ACTR1A: variants seen among roughly 807,000 people sequenced by gnomAD.
The protein encoded by ACTR1A is actin related protein 1A, also known as alpha-centractin.
A neutral mutation model predicts 50.7 loss-of-function variants in ACTR1A; 10 were observed. The ratio of observed to expected loss-of-function variants is 0.20; its 90% CI spans 0.12 to 0.33. The LOEUF (loss-of-function observed/expected upper bound fraction) is 0.33. ACTR1A is among the 10% of genes least tolerant of loss of function. The pLI is 1.00. For missense variants in ACTR1A, 253 were observed against 491.7 expected, an observed-to-expected ratio of 0.51 and a Z score of 4.59; for synonymous variants, 177 against 184.2, an observed-to-expected ratio of 0.96 and a Z score of 0.32.
intron 1 of ACTR1A, among the ~76,000 whole-genome samples, chr10:102,492,874 G>A (rs943238972): frequency 5.3e-5 from 8 of 151,898 alleles, no homozygotes; most frequent in Admixed American, 1.3e-4. Flanking sequence ...TGTGCTACAC[G>A]TCTGTAATCC....
chr10:102,496,330 A>G (rs2062222559), intron 1 of ACTR1A, among the ~76,000 whole-genome samples: 1 of 152,232 alleles, frequency 6.6e-6, no homozygotes. Flanking sequence ...CCAGCCTGGA[A>G]GAGGTGCCTT....
At chr10:102,494,084 T>C (rs1324824003) in intron 1 of ACTR1A, among the ~76,000 whole-genome samples, 1 of 152,252 alleles carries the variant, frequency 6.6e-6, no homozygotes, top group African/African-American at 2.4e-5. Context: ...AAAAGGGTTA[T>C]GTCCATTTCT....
At chr10:102,487,442 T>TGGTGGGG (rs2062174184) in intron 4 of ACTR1A, among the ~76,000 whole-genome samples, 1 of 151,754 alleles carries the variant, frequency 6.6e-6, no homozygotes, top group Non-Finnish European at 1.5e-5. Context: ...TAGCCGGGCA[T>TGGTGGGG]GGTGGGGGGT....
At position 102,482,617 on chromosome 10, in the gene ACTR1A, C is replaced by T; in HGVS notation, c.750+394G>A. ...GGAGGGAGCAAAGTTCTGGCTGCCT[C>T]CTCTGCAGGAGACAGGGCCACTCAT... On this transcript the variant is annotated intron_variant, in intron 7 of 10. Coordinates refer to ENST00000369905, the MANE Select transcript of ACTR1A (RefSeq NM_005736.4). This position sits in a 1 kb window ranked among gnomAD's most constrained non-coding sequence, Gnocchi z 5.6. 1 of 273,482 alleles carries T rather than the reference C, an allele frequency of 3.7e-6. No homozygotes were observed. The highest frequency in any genetic ancestry group is 7.0e-6 in the Non-Finnish European group (1 of 142,860). The allele number at this position is 273,482 out of a possible 1,614,324, so 16.9% of individuals were successfully genotyped here.
chr10:102,490,805 C>G (rs2062188438), intron 1 of ACTR1A, among the ~76,000 whole-genome samples, 192 bp from the exon 2 acceptor site: 1 of 152,126 alleles, frequency 6.6e-6, no homozygotes, highest in African/African-American at 2.4e-5. Flanking sequence ...CCAGCCTAGC[C>G]ACCATGGTGA....
At chr10:102,490,021 G>A (rs1214419908) in intron 2 of ACTR1A, among the ~76,000 whole-genome samples, 1 of 152,042 alleles carries the variant, frequency 6.6e-6, no homozygotes, top group Non-Finnish European at 1.5e-5. Flanking sequence ...AGACCATGAG[G>A]TCAGGAGATC....
Position 102,480,216 on chromosome 10 carries a change from A to T in ACTR1A, c.*647T>A, listed in dbSNP as rs2062131495. On this transcript the variant is annotated 3_prime_UTR_variant, in exon 11 of 11. Transcript: ENST00000369905. The stretch of plus-strand genomic sequence containing the variant: ...GGCTGGGAACATTAACTCTGCAGCC[A>T]TTCAGAGTGAGGACTGCTCCTGCCC... 1 of 158,958 alleles carries T rather than the reference A, an allele frequency of 6.3e-6. No homozygotes were observed. Among genetic ancestry groups the T allele is most frequent in the African/African-American group, 2.4e-5 (1 of 41,504 alleles). The allele number at this position is 158,958 out of a possible 1,614,324, so 9.8% of individuals were successfully genotyped here.
At chr10:102,487,194 T>C (rs911904037) in intron 4 of ACTR1A, among the ~76,000 whole-genome samples, 5 of 152,108 alleles carry the variant, frequency 3.3e-5, no homozygotes, top group African/African-American at 1.2e-4. Context: ...GGCGGATAGA[T>C]TGCCTGAACC....
rs974172493 is a variant in ACTR1A, at chr10:102,479,510, A to G, written c.*1353T>C. On this transcript the variant is annotated 3_prime_UTR_variant, in exon 11 of 11. Transcript: ENST00000369905. This position sits in a 1 kb window ranked among gnomAD's most constrained non-coding sequence, Gnocchi z 4.0. ...GTCACAGGTGAGGGTGCCGGTGAAG[A>G]CAGGCTGGCCCCAGCTTTGCACCAT... 31 of 813,350 alleles carry G rather than the reference A, an allele frequency of 3.8e-5. No homozygotes were observed. Among genetic ancestry groups the G allele is most frequent in the Non-Finnish European group, 5.4e-5 (31 of 577,008 alleles). 50.4% of individuals were successfully genotyped at this position (813,350 alleles called of 1,614,324 possible).
At chr10:102,481,012 T>G (rs187011009) in intron 10 of ACTR1A, 47 bp from the exon 11 acceptor site, 1 of 1,583,910 alleles carries the variant, frequency 6.3e-7, no homozygotes, top group Non-Finnish European at 8.7e-7. Context: ...GAAGTGGCTG[T>G]GTGTGGAGCC....
At chr10:102,492,069 C>CTTTTTTT (rs71016386) in intron 1 of ACTR1A, among the ~76,000 whole-genome samples, 1 of 92,342 alleles carries the variant, frequency 1.1e-5, no homozygotes, top group African/African-American at 4.6e-5. Flanking sequence ...CGTGCCCGGC[C>CTTTTTTT]TTTTTTTTTT....
chr10:102,486,875 C>G, intron 4 of ACTR1A, among the ~76,000 whole-genome samples: 1 of 151,552 alleles, frequency 6.6e-6, no homozygotes, highest in Non-Finnish European at 1.5e-5. Flanking sequence ...AACCTCGATG[C>G]CCCCAGGCTC....
Position 102,480,876 on chromosome 10 carries a change from C to T in ACTR1A, c.1118G>A (p.Arg373Lys), listed in dbSNP as rs2062135765. 2 of 1,613,204 alleles carry T rather than the reference C, an allele frequency of 1.2e-6. No homozygotes were observed. Among genetic ancestry groups the T allele is most frequent in the Non-Finnish European group, 8.5e-7 (1 of 1,179,340 alleles). The change falls in exon 11 of 11, where the codon AGA (arginine) becomes AAA (lysine). Residue 373 changes from arginine to lysine, a missense_variant. By Grantham distance (26) the Arg-to-Lys change is conservative (BLOSUM62 2). This residue lies in a region of ACTR1A where 14 missense variants were observed against 16.3 expected (regional missense o/e 0.86). Transcript: ENST00000369905. ...YEEDGARSIH[R>K]KTF ...GATGTCCCGACATTAGAAGGTTTTT[C>T]TGTGGATGGATCGGGCACCGTCTTC...
rs762275730 is a variant in ACTR1A, at chr10:102,481,114, C to A, written c.1028+18G>T. Reference sequence around the variant, plus strand: ...CATCACTTCCTGTTCTGTTCTTACTCCTGGAAGAGCTACTCACCCAATCCA... The same window carrying A: ...CATCACTTCCTGTTCTGTTCTTACTACTGGAAGAGCTACTCACCCAATCCA... On this transcript the variant is annotated intron_variant, in intron 10 of 10. Coordinates refer to ENST00000369905, the MANE Select transcript of ACTR1A (RefSeq NM_005736.4). The A allele has an allele frequency of 6.2e-7, 1 of 1,606,980 alleles. No homozygotes were observed. The highest frequency in any genetic ancestry group is 8.5e-7 in the Non-Finnish European group (1 of 1,175,672).
rs144405489 is a variant in ACTR1A at position 102,479,246 on chromosome 10, C to T, written c.*1617G>A. 63 of 717,428 alleles carry T rather than the reference C, an allele frequency of 8.8e-5. No individual in the cohort carries two copies. Among genetic ancestry groups the T allele is most frequent in the African/African-American group, 5.8e-4 (32 of 54,976 alleles). The allele number at this position is 717,428 out of a possible 1,614,324, so 44.4% of individuals were successfully genotyped here. ...GGCCCAGCTGACGTGTCTATCGGAA[C>T]GACTTTATTTCAGTACACTGGGCCC... On this transcript the variant is annotated 3_prime_UTR_variant, in exon 11 of 11. Transcript: ENST00000369905. This position sits in a 1 kb window ranked among gnomAD's most constrained non-coding sequence, Gnocchi z 4.0.
In ACTR1A at chr10:102,479,483, G is replaced by A. The variant is rs2062127615; in HGVS notation, c.*1380C>T. The A allele has an allele frequency of 1.9e-6, 1 of 527,298 alleles. No homozygotes were observed. The highest frequency in any genetic ancestry group is 3.1e-6 in the Non-Finnish European group (1 of 323,952). 32.7% of individuals were successfully genotyped at this position (527,298 alleles called of 1,614,324 possible). ...AAGTCTGGGATTGGGGTGGGTCTTG[G>A]TGTCACAGGTGAGGGTGCCGGTGAA... On this transcript the variant is annotated 3_prime_UTR_variant, in exon 11 of 11. Coordinates refer to ENST00000369905, the MANE Select transcript of ACTR1A (RefSeq NM_005736.4). The surrounding 1 kb of genome is among the most constrained non-coding windows in gnomAD (Gnocchi z 4.0).
At chr10:102,486,968 T>C (rs1293927338) in intron 4 of ACTR1A, among the ~76,000 whole-genome samples, 1 of 150,892 alleles carries the variant, frequency 6.6e-6, no homozygotes, top group African/African-American at 2.4e-5. Context: ...TTTTTTTTCA[T>C]ATTTTTAGTA....
At chr10:102,502,454 G>A (rs2062262519) in intron 1 of ACTR1A, 146 bp downstream of exon 1, 2 of 807,844 alleles carry the variant, frequency 2.5e-6, no homozygotes, top group East Asian at 2.6e-5. Context: ...TATGTGATAA[G>A]GGGAGGAAGG....
In ACTR1A at chr10:102,489,090, G is replaced by A. The variant is rs756310401; in HGVS notation, c.162C>T (p.Gly54=). 26 of 1,587,816 alleles carry A rather than the reference G, an allele frequency of 1.6e-5. No homozygotes were observed. Among genetic ancestry groups the A allele is most frequent in the Middle Eastern group, 1.7e-4 (1 of 6,000 alleles). The change falls in exon 3 of 11, where the codon GGC becomes GGT. Residue 54 remains glycine, a synonymous_variant. Transcript: ENST00000369905. The part of the protein sequence containing the change: ...HVRVMAGALE[G]DIFIGPKAEE... ...CAGCTTTGGGGCCAATGAAGATGTC[G>A]CCTTCAAGGGCTCCTGCCATGACAC...
Sources: allele counts gnomAD v4.1 joint callset (sites outside exome capture counted in the v4.1 genomes callset), GRCh38; gene constraint gnomAD v4.1.1; regional missense constraint gnomAD v4.1.1; non-coding constraint Gnocchi (gnomAD v3.1); transcripts MANE v1.5; gene names NCBI Gene and HGNC (gene_info 2026-07-23, HGNC 2026-07-21).